The following LAMB4 variants were observed in gnomAD, a reference collection of about 807,000 sequenced individuals.
The protein encoded by LAMB4 is laminin subunit beta 4.
A neutral mutation model predicts 199.2 loss-of-function variants in LAMB4; 196 were observed. The observed-to-expected ratio is 0.98, with a 90% CI of 0.88 to 1.11. The LOEUF (loss-of-function observed/expected upper bound fraction) is 1.11. Ranked by LOEUF, LAMB4 falls within the 50% of genes least tolerant of loss-of-function variation. LAMB4 has a pLI of 0.00. For missense variants in LAMB4, 2,080 were observed against 2,171.2 expected (o/e 0.96, Z 0.83); for synonymous variants, 744 against 770.6 (o/e 0.97, Z 0.57).
At chr7:108,117,891 C>A (rs113478025) in intron 2 of LAMB4, among the ~76,000 whole-genome samples, 1 of 152,130 alleles carries the variant, frequency 6.6e-6, no homozygotes, top group African/African-American at 2.4e-5. Flanking sequence ...AGGTCACTGT[C>A]GCGGCCATCT....
At chr7:108,021,771 C>T (rs921174422), downstream of LAMB4, among the ~76,000 whole-genome samples, 2 of 151,824 alleles carry the variant, frequency 1.3e-5, no homozygotes, top group Non-Finnish European at 2.9e-5. Flanking sequence ...AAGAGGTTAA[C>T]TTTATTCATA....
At chr7:108,034,082 C>A (rs192689642) in intron 31 of LAMB4, 126 bp downstream of exon 31, 2 of 932,470 alleles carry the variant, frequency 2.1e-6, no homozygotes, top group Non-Finnish European at 3.4e-6. Context: ...CTACCCAAAT[C>A]TTATTTATCC....
At chr7:108,037,777 T>C (rs2035281898) in intron 29 of LAMB4, among the ~76,000 whole-genome samples, 182 bp from the exon 30 acceptor site, 1 of 152,222 alleles carries the variant, frequency 6.6e-6, no homozygotes, top group African/African-American at 2.4e-5. Flanking sequence ...CCCTTCTCTC[T>C]GGAAGAAACA....
intron 17 of LAMB4, among the ~76,000 whole-genome samples, chr7:108,076,252 C>T (rs903585772): frequency 2.0e-5 from 3 of 152,048 alleles, no homozygotes; most frequent in African/African-American, 7.2e-5. Context: ...ACTCAATGCT[C>T]AACTCTGCCA....
chr7:108,045,215 T>C (rs1036061623), intron 28 of LAMB4, among the ~76,000 whole-genome samples: 5 of 152,036 alleles, frequency 3.3e-5, no homozygotes, highest in African/African-American at 1.2e-4. Flanking sequence ...TGCAGTAAAA[T>C]GAGAATTCCA....
At chr7:108,116,375 T>C (rs2038408815) in intron 2 of LAMB4, among the ~76,000 whole-genome samples, 1 of 152,196 alleles carries the variant, frequency 6.6e-6, no homozygotes, top group Non-Finnish European at 1.5e-5. Context: ...TTGAAATCTG[T>C]ATTTCAAAAT....
At chr7:108,020,776 C>A (rs1397726972), downstream of LAMB4, among the ~76,000 whole-genome samples, 1 of 152,126 alleles carries the variant, frequency 6.6e-6, no homozygotes, top group East Asian at 1.9e-4. Flanking sequence ...TGACTTTGGG[C>A]CCTAATCTCT....
intron 15 of LAMB4, 53 bp downstream of exon 15, chr7:108,079,548 A>G: frequency 7.1e-7 from 1 of 1,415,138 alleles, no homozygotes. Flanking sequence ...AAACAGTTCA[A>G]GAATGTATTT....
chr7:108,123,229 G>A, intron 1 of LAMB4, 32 bp from the exon 2 acceptor site: 1 of 1,330,326 alleles, frequency 7.5e-7, no homozygotes, highest in Non-Finnish European at 1.1e-6. Context: ...GTCAATCACT[G>A]ATAGAAGAAA....
intron 25 of LAMB4, among the ~76,000 whole-genome samples, chr7:108,053,844 C>T (rs1415235401): frequency 6.6e-6 from 1 of 152,208 alleles, no homozygotes; most frequent in Non-Finnish European, 1.5e-5. Flanking sequence ...TGGGCCAAAG[C>T]TCATTCTCAG....
At chr7:108,073,539 A>T (rs2036602847) in intron 17 of LAMB4, among the ~76,000 whole-genome samples, 1 of 152,246 alleles carries the variant, frequency 6.6e-6, no homozygotes, top group African/African-American at 2.4e-5. Context: ...CAAACAAGGC[A>T]TTTGTGCAGA....
Position 108,063,487 on chromosome 7 carries a change from G to A in LAMB4, c.3061+274C>T, listed in dbSNP as rs563426565. 4.6e-5 allele frequency among the ~76,000 whole-genome samples: 7 copies of A among 152,240 alleles called. No homozygotes were observed. In the South Asian group the frequency reaches 1.2e-3, roughly 27 times the overall value. On this transcript the variant is annotated intron_variant, in intron 22 of 33. Coordinates refer to ENST00000388781, the MANE Select transcript of LAMB4 (RefSeq NM_007356.3). ...TGCGGACTAAACTCTGAGAAACAAC[G>A]CTTTGAATCCACTAGGACAGGTATT...
the LAMB4 span, among the ~76,000 whole-genome samples, chr7:108,014,732 TTC>T: frequency 1.3e-5 from 2 of 152,066 alleles, no homozygotes; most frequent in African/African-American, 4.8e-5. Context: ...TTTTTTTTTT[TTC>T]TTTTTTGAGA....
At chr7:108,115,895 T>G in intron 3 of LAMB4, 109 bp downstream of exon 3, 1 of 1,211,994 alleles carries the variant, frequency 8.3e-7, no homozygotes, top group Non-Finnish European at 1.2e-6. Flanking sequence ...CTCCATTGTT[T>G]AAAAAGGAAG....
At chr7:108,076,353 G>A (rs570939857) in intron 17 of LAMB4, among the ~76,000 whole-genome samples, 1 of 152,114 alleles carries the variant, frequency 6.6e-6, no homozygotes. Flanking sequence ...GATGTTGGAA[G>A]AAGTCACTCA....
chr7:108,107,250 A>T (rs1009128956), intron 6 of LAMB4, among the ~76,000 whole-genome samples: 2 of 152,176 alleles, frequency 1.3e-5, no homozygotes, highest in African/African-American at 4.8e-5. Context: ...GCTCAGAGGG[A>T]TGTTCCCGGC....
intron 23 of LAMB4, among the ~76,000 whole-genome samples, chr7:108,058,664 CTTTTA>C (rs945940717): frequency 7.9e-5 from 12 of 152,010 alleles, no homozygotes; most frequent in Non-Finnish European, 1.2e-4. Flanking sequence ...CTTTTCTTTT[CTTTTA>C]TTTTGAGACG....
rs1409028541 is a variant in LAMB4, at chr7:108,055,760, G to T, written c.3627C>A (p.Thr1209=). 6.2e-7 allele frequency: 1 copy of T among 1,614,178 alleles called. No homozygotes were observed. Among genetic ancestry groups the T allele is most frequent in the Non-Finnish European group, 8.5e-7 (1 of 1,180,038 alleles). Residue 1209 remains threonine, a synonymous_variant, in exon 25 of 34, where the codon ACC becomes ACA. Coordinates refer to ENST00000388781, the MANE Select transcript of LAMB4 (RefSeq NM_007356.3). Reference sequence around the variant, plus strand: ...TGAAGTCTGCCTCACAGACAGGCAGGGTCTCTCTTTTATCTTCCATGTTAG... The same window carrying T: ...TGAAGTCTGCCTCACAGACAGGCAGTGTCTCTCTTTTATCTTCCATGTTAG... The part of the protein sequence containing the change: ...LAANMEDKRE[T]LPVCEADFKD...
chr7:108,049,636 C>A, intron 26 of LAMB4, 105 bp from the exon 27 acceptor site: 1 of 595,268 alleles, frequency 1.7e-6, no homozygotes, highest in Non-Finnish European at 2.8e-6. Context: ...GTCTTGGTCT[C>A]AACTATCACC....
Sources: allele counts gnomAD v4.1 joint callset (sites outside exome capture counted in the v4.1 genomes callset), GRCh38; gene constraint gnomAD v4.1.1; transcripts MANE v1.5; gene names NCBI Gene and HGNC (gene_info 2026-07-23, HGNC 2026-07-21).